Variants in LMBR1 observed in about 807,000 individuals in gnomAD.
LMBR1 encodes limb region 1 protein homolog.
In LMBR1, 52 loss-of-function variants were observed where a neutral mutation model predicts 73.9. The observed-to-expected ratio is 0.70, with a 90% CI of 0.56 to 0.89. The LOEUF (loss-of-function observed/expected upper bound fraction) is 0.89, where lower values mean the gene tolerates loss of function less well. Among genes scored for constraint, LMBR1 ranks in the 40% least tolerant of loss-of-function variants. LMBR1 has a pLI of 0.00. For synonymous variants in LMBR1, 215 were observed against 209.4 expected, an observed-to-expected ratio of 1.03 and a Z score of -0.23; for missense variants, 539 against 579.8, an observed-to-expected ratio of 0.93 and a Z score of 0.72.
chr7:156,766,735 T>C (rs536464967), intron 5 of LMBR1, among the ~76,000 whole-genome samples: 45 of 152,248 alleles, frequency 3.0e-4, no homozygotes, highest in African/African-American at 1.1e-3. Context: ...CAAGCAGTCC[T>C]AGCTGCTGGT....
At chr7:156,820,448 C>T (rs1470362766) in intron 4 of LMBR1, among the ~76,000 whole-genome samples, 1 of 152,088 alleles carries the variant, frequency 6.6e-6, no homozygotes, top group Non-Finnish European at 1.5e-5. Context: ...ATTATGTTGA[C>T]GATATTTTGC....
At chr7:156,817,983 G>A (rs1834193750) in intron 4 of LMBR1, among the ~76,000 whole-genome samples, 1 of 151,970 alleles carries the variant, frequency 6.6e-6, no homozygotes, top group South Asian at 2.1e-4. Context: ...TTTTCTATTT[G>A]TAATGTTATA....
At chr7:156,728,868 T>A (rs1816294892) in intron 10 of LMBR1, 148 bp from the exon 11 acceptor site, 2 of 624,510 alleles carry the variant, frequency 3.2e-6, no homozygotes, top group Non-Finnish European at 5.4e-6. Context: ...AAACTACAGA[T>A]AGGGCCTTGC....
chr7:156,740,386 T>C (rs1818675927), intron 9 of LMBR1, among the ~76,000 whole-genome samples: 2 of 152,088 alleles, frequency 1.3e-5, no homozygotes, highest in South Asian at 4.1e-4. Flanking sequence ...GATATCAACA[T>C]TTAAGAACAA....
At chr7:156,855,428 A>G (rs1484854044) in intron 1 of LMBR1, among the ~76,000 whole-genome samples, 1 of 152,190 alleles carries the variant, frequency 6.6e-6, no homozygotes, top group Non-Finnish European at 1.5e-5. Flanking sequence ...AGATATGTCA[A>G]TGGAAACTTC....
chr7:156,855,684 A>C (rs1243188049), intron 1 of LMBR1, among the ~76,000 whole-genome samples: 3 of 151,262 alleles, frequency 2.0e-5, no homozygotes, highest in South Asian at 2.1e-4. Context: ...AAAAAAAAAA[A>C]AAACCTATGT....
chr7:156,751,155 T>G (rs1284166638), intron 9 of LMBR1, among the ~76,000 whole-genome samples: 1 of 151,908 alleles, frequency 6.6e-6, no homozygotes, highest in Non-Finnish European at 1.5e-5. Flanking sequence ...CATGTTCTAG[T>G]GTGGAGAGAC....
chr7:156,796,167 G>T (rs1830030105), intron 5 of LMBR1, among the ~76,000 whole-genome samples: 1 of 152,182 alleles, frequency 6.6e-6, no homozygotes, highest in African/African-American at 2.4e-5. Flanking sequence ...TATGCATACT[G>T]TAAAAGTACT....
chr7:156,732,371 T>C (rs899013331), intron 10 of LMBR1, among the ~76,000 whole-genome samples: 7 of 152,190 alleles, frequency 4.6e-5, no homozygotes, highest in Non-Finnish European at 8.8e-5. Context: ...AGCTCATCCC[T>C]TGAGTTGAGA....
chr7:156,802,043 C>T (rs186154758), intron 4 of LMBR1, among the ~76,000 whole-genome samples: 11 of 152,036 alleles, frequency 7.2e-5, no homozygotes, highest in Middle Eastern at 3.4e-3. Flanking sequence ...AGTGCAATGG[C>T]GCAATCTCGG....
intron 8 of LMBR1, among the ~76,000 whole-genome samples, chr7:156,759,644 G>A (rs1035588526): frequency 1.3e-4 from 20 of 152,244 alleles, no homozygotes; most frequent in Admixed American, 7.2e-4. Flanking sequence ...AAGAAACAAA[G>A]ACAAGACTTT....
At chr7:156,827,640 T>C (rs1284335735) in intron 3 of LMBR1, among the ~76,000 whole-genome samples, 1 of 152,010 alleles carries the variant, frequency 6.6e-6, no homozygotes, top group Non-Finnish European at 1.5e-5. Context: ...ATATTAGAGA[T>C]AGAATGGATA....
chr7:156,812,999 A>G (rs1411247934), intron 4 of LMBR1, among the ~76,000 whole-genome samples: 3 of 152,168 alleles, frequency 2.0e-5, no homozygotes, highest in Non-Finnish European at 4.4e-5. Flanking sequence ...TCAAAAACCT[A>G]GTCATTTCAG....
chr7:156,837,332 T>C (rs1345981123), intron 1 of LMBR1, among the ~76,000 whole-genome samples: 2 of 104,314 alleles, frequency 1.9e-5, no homozygotes, highest in African/African-American at 3.5e-5. Context: ...TGAGACTCCA[T>C]CTCAAAAAAA....
At chr7:156,676,940 T>C (rs960130470), downstream of LMBR1, 3 of 361,424 alleles carry the variant, frequency 8.3e-6, no homozygotes, top group African/African-American at 4.1e-5. Flanking sequence ...GGTTAAGATA[T>C]AGCTAGTGTC....
chr7:156,762,301 A>G (rs1167412553), intron 7 of LMBR1, 103 bp from the exon 8 acceptor site: 1 of 740,596 alleles, frequency 1.4e-6, no homozygotes, highest in Admixed American at 2.2e-5. Flanking sequence ...AAGGATTATC[A>G]TTTTAAGAAC....
At chr7:156,719,977 CGTT>C (rs1242143007) in intron 15 of LMBR1, among the ~76,000 whole-genome samples, 3 of 151,568 alleles carry the variant, frequency 2.0e-5, no homozygotes, top group African/African-American at 4.8e-5. Flanking sequence ...AAGACTTAAA[CGTT>C]AGACCTAAAA....
chr7:156,804,083 T>C (rs1020281330), intron 4 of LMBR1, among the ~76,000 whole-genome samples: 16 of 152,032 alleles, frequency 1.1e-4, no homozygotes, highest in African/African-American at 3.9e-4. Context: ...ACATGGCACA[T>C]GTATACATAT....
intron 1 of LMBR1, among the ~76,000 whole-genome samples, chr7:156,853,147 C>A (rs1428963692): frequency 6.6e-6 from 1 of 151,628 alleles, no homozygotes; most frequent in Non-Finnish European, 1.5e-5. Context: ...ACTGTGTTAG[C>A]CAGGATGGTC....
Sources: gnomAD v4.1 joint callset for allele counts (sites outside exome capture counted in the v4.1 genomes callset) on GRCh38, gnomAD v4.1.1 for gene constraint, MANE v1.5 for transcripts, NCBI Gene and HGNC (gene_info 2026-07-23, HGNC 2026-07-21) for gene names.